FAT3: variants seen among roughly 807,000 people sequenced by gnomAD.
FAT3 encodes the protein protocadherin Fat 3.
FAT3 carries 95 observed loss-of-function variants against 310.2 expected under a neutral mutation model. The ratio of observed to expected loss-of-function variants is 0.31; its 90% CI spans 0.26 to 0.36. The LOEUF (loss-of-function observed/expected upper bound fraction) is 0.36. FAT3 is among the 10% of genes least tolerant of loss of function. The probability of loss-of-function intolerance (pLI) is 1.00; values close to 1 mark genes in which losing one functional copy is unlikely to be tolerated. For synonymous variants in FAT3, 2,314 were observed against 2,192.9 expected (o/e 1.06, Z -1.54); for missense variants, 5,408 against 5,715.6 (o/e 0.95, Z 1.74).
chr11:92,346,098 A>T (rs1948412529), intron 1 of FAT3, among the ~76,000 whole-genome samples: 1 of 152,200 alleles, frequency 6.6e-6, no homozygotes, highest in African/African-American at 2.4e-5. Flanking sequence ...AGCCATTAGC[A>T]CCAACCAGGG....
At chr11:92,443,373 G>T (rs1275681908) in intron 2 of FAT3, among the ~76,000 whole-genome samples, 1 of 152,176 alleles carries the variant, frequency 6.6e-6, no homozygotes, top group Admixed American at 6.6e-5. Context: ...AACATTCCTG[G>T]CATATGGGTT....
intron 19 of FAT3, among the ~76,000 whole-genome samples, chr11:92,847,521 A>G (rs1387748726): frequency 6.6e-6 from 1 of 152,218 alleles, no homozygotes. Context: ...TAGCAGAATG[A>G]TCGCCAGCCT....
chr11:92,541,678 G>T (rs150791416), intron 3 of FAT3, among the ~76,000 whole-genome samples: 1 of 152,088 alleles, frequency 6.6e-6, no homozygotes, highest in Non-Finnish European at 1.5e-5. Context: ...TAACTGAAAT[G>T]GTTAAAGACT....
intron 3 of FAT3, among the ~76,000 whole-genome samples, chr11:92,554,219 G>A (rs1186781): frequency 0.58 from 87,153 of 151,194 alleles, 25,801 homozygotes; most frequent in East Asian, 0.9. Context: ...TCCCAGCACT[G>A]TGGGAGGCCG....
intron 10 of FAT3, 44 bp from the exon 11 acceptor site, chr11:92,805,109 T>G (rs545116758): frequency 6.3e-7 from 1 of 1,584,236 alleles, no homozygotes; most frequent in East Asian, 2.2e-5. Flanking sequence ...ATTAAGACAT[T>G]TCATTGCACA....
rs138676068 is a variant in FAT3 at position 92,828,909 on chromosome 11, T to A, written c.9482-2713T>A. Among the ~76,000 whole-genome samples, 37 of 152,302 alleles carry A rather than the reference T, an allele frequency of 2.4e-4. No individual in the cohort carries two copies. The East Asian group carries it at 7.0e-3, about 29-fold the overall frequency. On this transcript the variant is annotated intron_variant, in intron 13 of 27. Transcript: ENST00000525166. ...AGGTGATAGAATTAGATTTCAGCTT[T>A]GTGTCTCAGTGAAGGAAACACAGGC...
chr11:92,336,868 A>G (rs758019597), intron 1 of FAT3, among the ~76,000 whole-genome samples: 3 of 152,200 alleles, frequency 2.0e-5, no homozygotes, highest in Non-Finnish European at 4.4e-5. Context: ...AGGATGGCAA[A>G]TAAGCATGTT....
chr11:92,543,911 C>T (rs111826270), intron 3 of FAT3, among the ~76,000 whole-genome samples: 50 of 152,318 alleles, frequency 3.3e-4, no homozygotes, highest in African/African-American at 1.1e-3. Context: ...GAGCACACTT[C>T]TGCTGACTTA....
intron 2 of FAT3, among the ~76,000 whole-genome samples, chr11:92,474,093 G>A (rs1295877330): frequency 6.6e-6 from 1 of 152,178 alleles, no homozygotes; most frequent in Non-Finnish European, 1.5e-5. Flanking sequence ...CTTCCTTTGA[G>A]AGGAAAGAGA....
At chr11:92,340,084 C>G (rs1948206389) in intron 1 of FAT3, among the ~76,000 whole-genome samples, 1 of 143,076 alleles carries the variant, frequency 7.0e-6, no homozygotes, top group Admixed American at 7.1e-5. Context: ...TGCACTCCAG[C>G]CTGGGCAACA....
chr11:92,839,489 T>TA (rs1365362528), intron 17 of FAT3, among the ~76,000 whole-genome samples: 13 of 152,256 alleles, frequency 8.5e-5, no homozygotes, highest in African/African-American at 3.1e-4. Context: ...ATAAGAGGTC[T>TA]ATGCAGTCCT....
At chr11:92,656,226 GT>G (rs1347353121) in intron 3 of FAT3, among the ~76,000 whole-genome samples, 2 of 152,166 alleles carry the variant, frequency 1.3e-5, no homozygotes, top group African/African-American at 4.8e-5. Context: ...ACAGTGTTCA[GT>G]GGTATAAAGA....
chr11:92,792,720 T>C, intron 8 of FAT3, 47 bp from the exon 9 acceptor site: 11 of 1,579,724 alleles, frequency 7.0e-6, no homozygotes, highest in Non-Finnish European at 8.7e-6. Flanking sequence ...GTGAGTTCTT[T>C]GCAATTTAAA....
At chr11:92,319,608 T>C (rs1163632159) in intron 1 of FAT3, among the ~76,000 whole-genome samples, 2 of 152,170 alleles carry the variant, frequency 1.3e-5, no homozygotes, top group Non-Finnish European at 2.9e-5. Context: ...GATAGAAAAA[T>C]GGGTGAGACA....
intron 2 of FAT3, among the ~76,000 whole-genome samples, chr11:92,446,027 A>C (rs746500743): frequency 6.6e-6 from 1 of 152,196 alleles, no homozygotes; most frequent in African/African-American, 2.4e-5. Context: ...CCTATTTATG[A>C]ATATATTAAT....
intron 1 of FAT3, among the ~76,000 whole-genome samples, chr11:92,253,803 G>T (rs1438296888): frequency 5.3e-5 from 8 of 152,094 alleles, no homozygotes; most frequent in Admixed American, 4.6e-4. Flanking sequence ...GATTTTGTGA[G>T]GAATTTGTTT....
intron 4 of FAT3, among the ~76,000 whole-genome samples, chr11:92,744,687 T>A (rs1358329853): frequency 6.6e-6 from 1 of 152,222 alleles, no homozygotes; most frequent in Non-Finnish European, 1.5e-5. Context: ...CAGTTTTTTT[T>A]AATTTTTAGG....
intron 3 of FAT3, among the ~76,000 whole-genome samples, chr11:92,655,495 A>T (rs953527270): frequency 7.2e-5 from 11 of 152,198 alleles, no homozygotes; most frequent in Admixed American, 2.0e-4. Context: ...GACAGAAGGT[A>T]ATCATTACAT....
rs753466343 is a variant in FAT3 at position 92,798,239 on chromosome 11, G to T, written c.5226G>T (p.Gln1742His). Residue 1742 changes from glutamine (Q) to histidine (H), a missense_variant, in exon 10 of 28, where the codon CAG becomes CAT. Transcript: ENST00000525166. Reference protein sequence around the residue: ...ERTSSYQLIIQATNMAGMASN... With the variant: ...ERTSSYQLIIHATNMAGMASN... ...CATCCTCTTATCAACTCATCATTCA[G>T]GCCACCAATATGGCAGGAATGGCTT... The T allele has an allele frequency of 3.1e-6, 5 of 1,613,886 alleles. No homozygotes were observed. Among genetic ancestry groups the T allele is most frequent in the Middle Eastern group, 1.7e-4 (1 of 6,060 alleles).
Sources: allele counts gnomAD v4.1 joint callset (sites outside exome capture counted in the v4.1 genomes callset), GRCh38; gene constraint gnomAD v4.1.1; transcripts MANE v1.5; gene names NCBI Gene and HGNC (gene_info 2026-07-23, HGNC 2026-07-21).